Variants in CILK1 observed in about 807,000 individuals in gnomAD.
CILK1 encodes the protein ciliogenesis associated kinase 1, also known as serine/threonine-protein kinase ICK.
Under a neutral mutation model 79.2 loss-of-function variants are expected in CILK1, and 47 were observed. That is an observed-to-expected ratio of 0.59 (90% CI 0.47 to 0.76). The LOEUF (loss-of-function observed/expected upper bound fraction) is 0.76. Among genes scored for constraint, CILK1 ranks in the 30% least tolerant of loss-of-function variants. CILK1 has a pLI of 0.00. For synonymous variants in CILK1, 266 were observed against 275.9 expected, an observed-to-expected ratio of 0.96 and a Z score of 0.36; for missense variants, 660 against 769.5, an observed-to-expected ratio of 0.86 and a Z score of 1.68.
At chr6:53,049,632 G>A (rs1767342556) in intron 1 of CILK1, among the ~76,000 whole-genome samples, 1 of 152,208 alleles carries the variant, frequency 6.6e-6, no homozygotes, top group South Asian at 2.1e-4. Flanking sequence ...CCAACATGGG[G>A]ACCACTCTGC....
chr6:53,037,391 A>ATATGCC (rs138176348), intron 3 of CILK1, among the ~76,000 whole-genome samples: 1 of 151,898 alleles, frequency 6.6e-6, no homozygotes, highest in Non-Finnish European at 1.5e-5. Context: ...GGCACAAAAG[A>ATATGCC]AGGACCTCAG....
chr6:53,017,295 C>A lies in CILK1; in HGVS notation c.663+1035G>T, dbSNP rs563304256. On this transcript the variant is annotated intron_variant, in intron 7 of 13. Transcript: ENST00000676107. ...ACAGCAAATCCTTGTCCTGAGTGAG[C>A]TTATGGTCTAGGAAACAACTATGTA... Among the ~76,000 whole-genome samples the A allele has an allele frequency of 7.2e-5, 11 of 152,154 alleles. No homozygotes were observed. In the East Asian group the frequency reaches 1.9e-3, roughly 27 times the overall value.
chr6:53,005,062 CT>C lies in CILK1; in HGVS notation c.*86del. The C allele has an allele frequency of 1.4e-6, 2 of 1,447,704 alleles. No homozygotes were observed. Among genetic ancestry groups the C allele is most frequent in the Non-Finnish European group, 1.9e-6 (2 of 1,033,590 alleles). 89.7% of individuals were successfully genotyped at this position (1,447,704 alleles called of 1,614,324 possible). ...AAGTGTTGATTTGCTTTTATGCCCT[CT>C]GCACATCTTGCAGGTAGAACACCAG... On this transcript the variant is annotated 3_prime_UTR_variant, in exon 14 of 14. Coordinates refer to ENST00000676107, the MANE Select transcript of CILK1 (RefSeq NM_014920.5).
At chr6:53,037,884 T>G in intron 3 of CILK1, 55 bp downstream of exon 3, 1 of 1,038,420 alleles carries the variant, frequency 9.6e-7, no homozygotes, top group Non-Finnish European at 1.5e-6. Context: ...AATCTAAGCA[T>G]GTACAAAGCT....
chr6:53,053,771 C>A (rs1229080389), intron 1 of CILK1, among the ~76,000 whole-genome samples: 1 of 152,156 alleles, frequency 6.6e-6, no homozygotes, highest in Non-Finnish European at 1.5e-5. Flanking sequence ...ATCAGCGAAT[C>A]CTCTGGAGCC....
intron 8 of CILK1, 121 bp from the exon 9 acceptor site, chr6:53,014,103 C>T (rs1764755503): frequency 1.3e-6 from 1 of 799,498 alleles, no homozygotes; most frequent in South Asian, 1.5e-5. Context: ...AATTAGAAAA[C>T]AGTACCTTGA....
chr6:53,050,739 G>C (rs1435752585), intron 1 of CILK1, among the ~76,000 whole-genome samples: 2 of 151,686 alleles, frequency 1.3e-5, no homozygotes, highest in African/African-American at 4.8e-5. Flanking sequence ...GAGGTGGGAG[G>C]ATTGCTGGAG....
chr6:53,031,760 T>C (rs1765977525), intron 4 of CILK1, among the ~76,000 whole-genome samples: 1 of 152,210 alleles, frequency 6.6e-6, no homozygotes, highest in Non-Finnish European at 1.5e-5. Flanking sequence ...TGACTTCTAG[T>C]TGCTCTGCCC....
chr6:53,055,551 TC>T (rs982821712), intron 1 of CILK1, among the ~76,000 whole-genome samples: 1 of 152,240 alleles, frequency 6.6e-6, no homozygotes, highest in African/African-American at 2.4e-5. Context: ...AGCTATTGCA[TC>T]AACTGGATGT....
intron 13 of CILK1, among the ~76,000 whole-genome samples, chr6:53,005,831 C>T (rs1410764749): frequency 1.3e-5 from 2 of 152,110 alleles, no homozygotes. Flanking sequence ...GGCATCGTAT[C>T]ACCCCTGACC....
chr6:53,059,226 G>T (rs963363070), intron 1 of CILK1, among the ~76,000 whole-genome samples: 6 of 152,016 alleles, frequency 3.9e-5, no homozygotes, highest in South Asian at 4.1e-4. Flanking sequence ...GGGTGAAACT[G>T]GGGGGGAGCA....
chr6:53,011,689 A>G, intron 11 of CILK1, 80 bp downstream of exon 11: 1 of 1,386,710 alleles, frequency 7.2e-7, no homozygotes, highest in East Asian at 2.3e-5. Flanking sequence ...GCCTTCTAAA[A>G]CAGAACCTTT....
intron 7 of CILK1, among the ~76,000 whole-genome samples, chr6:53,017,742 T>C (rs1764975340): frequency 6.6e-6 from 1 of 152,138 alleles, no homozygotes; most frequent in Admixed American, 6.6e-5. Flanking sequence ...AAGAGCCATG[T>C]GGCAATATTC....
At position 53,002,104 on chromosome 6, in the gene CILK1, A is replaced by T. The variant is rs529184268; in HGVS notation, c.*3045T>A. ...AGATACATTTAAAAAATTATTTGAA[A>T]ATCAAGTTTCTTCCTACATAAATCC... is the stretch of plus-strand genomic sequence containing the variant. On this transcript the variant is annotated 3_prime_UTR_variant, in exon 14 of 14. Coordinates refer to ENST00000676107, the MANE Select transcript of CILK1 (RefSeq NM_014920.5). The T allele has an allele frequency of 5.3e-5, 8 of 152,298 alleles. No individual in the cohort carries two copies. Among genetic ancestry groups the T allele is most frequent in the Non-Finnish European group, 1.0e-4 (7 of 68,044 alleles). The allele number at this position is 152,298 out of a possible 1,614,324, so 9.4% of individuals were successfully genotyped here. A position where few individuals can be genotyped will look rare whatever the true frequency, so the allele number is the denominator to read the frequency against.
chr6:53,041,412 C>G lies in CILK1; in HGVS notation c.-172-4G>C. The G allele has an allele frequency of 3.3e-6, 2 of 608,518 alleles. No homozygotes were observed. Among genetic ancestry groups the G allele is most frequent in the Non-Finnish European group, 5.9e-6 (2 of 336,222 alleles). 37.7% of individuals were successfully genotyped at this position (608,518 alleles called of 1,614,324 possible). On this transcript the variant is annotated splice_region_variant and splice_polypyrimidine_tract_variant and intron_variant, in intron 1 of 13. Coordinates refer to ENST00000676107, the MANE Select transcript of CILK1 (RefSeq NM_014920.5). ...TTTCCAAAAATCAGTCTTCTGCCTG[C>G]AGAGAAAAATGAGAGACAAGGATAA...
intron 1 of CILK1, among the ~76,000 whole-genome samples, chr6:53,044,115 G>T (rs905433009): frequency 6.6e-6 from 1 of 152,122 alleles, no homozygotes; most frequent in Non-Finnish European, 1.5e-5. Context: ...CTGTACTGGA[G>T]AAGAAAATGC....
At chr6:53,055,569 G>A (rs1767798266) in intron 1 of CILK1, among the ~76,000 whole-genome samples, 1 of 152,178 alleles carries the variant, frequency 6.6e-6, no homozygotes, top group African/African-American at 2.4e-5. Flanking sequence ...ATGTTAACAA[G>A]AGAAGATAAT....
chr6:53,053,603 T>C (rs1217389340), intron 1 of CILK1, among the ~76,000 whole-genome samples: 2 of 152,202 alleles, frequency 1.3e-5, no homozygotes, highest in Non-Finnish European at 2.9e-5. Flanking sequence ...GAACCCAGGC[T>C]GACTGTACCA....
At chr6:53,024,671 A>G (rs1009802659) in intron 5 of CILK1, among the ~76,000 whole-genome samples, 5 of 152,242 alleles carry the variant, frequency 3.3e-5, no homozygotes, top group African/African-American at 1.2e-4. Context: ...CATTCCAGTG[A>G]AAAAAAGGAA....
Sources: gnomAD v4.1 joint callset for allele counts (sites outside exome capture counted in the v4.1 genomes callset) on GRCh38, gnomAD v4.1.1 for gene constraint, MANE v1.5 for transcripts, NCBI Gene and HGNC (gene_info 2026-07-23, HGNC 2026-07-21) for gene names.